The following RGS3 variants were observed in gnomAD, a reference collection of about 807,000 sequenced individuals.
The protein encoded by RGS3 is regulator of G protein signaling 3, also known as regulator of G-protein signalling 3.
RGS3 carries 80 observed loss-of-function variants against 132.6 expected under a neutral mutation model. The observed-to-expected ratio is 0.60, with a 90% CI of 0.50 to 0.73. The LOEUF (loss-of-function observed/expected upper bound fraction) is 0.73, where lower values mean the gene tolerates loss of function less well. RGS3 is among the 30% of genes least tolerant of loss of function. The pLI is 0.00. For synonymous variants in RGS3, 598 were observed against 620.6 expected (o/e 0.96, Z 0.54); for missense variants, 1,382 against 1,530.8 (o/e 0.90, Z 1.62).
At chr9:113,457,567 C>T (rs554478298), upstream of RGS3, among the ~76,000 whole-genome samples, 1 of 152,314 alleles carries the variant, frequency 6.6e-6, no homozygotes, top group East Asian at 1.9e-4. Context: ...AAGTCTCAGT[C>T]CTGCTAGACC....
chr9:113,508,715 C>T (rs978399067), intron 14 of RGS3, 135 bp downstream of exon 12: 1 of 804,200 alleles, frequency 1.2e-6, no homozygotes, highest in Non-Finnish European at 2.1e-6. Context: ...TCGACACAGA[C>T]TCTCTTTCCA....
chr9:113,593,899 C>A (rs1433245641), intron 21 of RGS3: 4 of 1,584,070 alleles, frequency 2.5e-6, no homozygotes, highest in Admixed American at 3.4e-5. Flanking sequence ...CCCCACCCCC[C>A]ACCACTGTCT....
At chr9:113,594,878 C>A in intron 22 of RGS3, 41 bp from the exon 21 acceptor site, 1 of 1,592,238 alleles carries the variant, frequency 6.3e-7, no homozygotes, top group Non-Finnish European at 8.6e-7. Context: ...GGTTCCCAAG[C>A]CTCTCAGTGC....
exon 11 of RGS3, chr9:113,505,512 C>T: frequency 1.2e-6 from 2 of 1,614,054 alleles, no homozygotes; most frequent in Non-Finnish European, 1.7e-6. Context: ...CGAGTCCAGG[C>T]CGTGGATTCC....
rs573035620 is a variant in RGS3, at chr9:113,554,538, C to A, written c.2037+17620C>A. On this transcript the variant is annotated intron_variant, in intron 19 of 24. Transcript: ENST00000350696. Reference sequence around the variant, plus strand: ...GCCAGGCTGGTCTTGAACTTCTGACCTCAAGTGATCCACTCACCTCAGCCT... The same window carrying A: ...GCCAGGCTGGTCTTGAACTTCTGACATCAAGTGATCCACTCACCTCAGCCT... 4.6e-5 allele frequency among the ~76,000 whole-genome samples: 7 copies of A among 152,312 alleles called. No individual in the cohort carries two copies. The East Asian group carries it at 1.3e-3, about 29-fold the overall frequency.
intron 3 of RGS3, among the ~76,000 whole-genome samples, chr9:113,467,751 G>A (rs1288793983): frequency 6.6e-6 from 1 of 151,992 alleles, no homozygotes; most frequent in South Asian, 2.1e-4. Flanking sequence ...TGTTGCCCAG[G>A]CTGGAGTTCA....
At chr9:113,511,998 T>C (rs1203030346) in intron 14 of RGS3, among the ~76,000 whole-genome samples, 1 of 152,176 alleles carries the variant, frequency 6.6e-6, no homozygotes, top group Non-Finnish European at 1.5e-5. Context: ...ATCCCCTGAC[T>C]ACTCACACTG....
rs1031866237 is a variant in RGS3 at position 113,546,878 on chromosome 9, C to T, written c.2037+9960C>T. Among the ~76,000 whole-genome samples the T allele has an allele frequency of 3.9e-5, 6 of 152,262 alleles. No individual in the cohort carries two copies. The East Asian group carries it at 5.8e-4, about 15-fold the overall frequency. Reference sequence around the variant, plus strand: ...GCGAGTGATTCTGAAAATCTTGCCTCGAGTCCTCATTTTGCTGGTATTCAC... The same window carrying T: ...GCGAGTGATTCTGAAAATCTTGCCTTGAGTCCTCATTTTGCTGGTATTCAC... On this transcript the variant is annotated intron_variant, in intron 19 of 24. Transcript: ENST00000350696.
chr9:113,583,789 G>C, exon 20 of RGS3: 1 of 1,614,078 alleles, frequency 6.2e-7, no homozygotes, highest in Non-Finnish European at 8.5e-7. Flanking sequence ...GCCTCACCAG[G>C]ACCCTCTACT....
Position 113,497,998 on chromosome 9 carries a change from T to C in RGS3, c.842-27T>C, listed in dbSNP as rs767010113. 3 of 1,613,552 alleles carry C rather than the reference T, an allele frequency of 1.9e-6. No homozygotes were observed. The South Asian group carries it at 3.3e-5, about 18-fold the overall frequency. On this transcript the variant is annotated intron_variant, in intron 9 of 24. Transcript: ENST00000350696. Reference sequence around the variant, plus strand: ...GGAGACTTCTCTGCCACCAGAAGTTTTCTGATTCTGCTCTGTCACCTTCCA... The same window carrying C: ...GGAGACTTCTCTGCCACCAGAAGTTCTCTGATTCTGCTCTGTCACCTTCCA...
chr9:113,529,233 A>G (rs773902276), exon 18 of RGS3: 53 of 1,613,414 alleles, frequency 3.3e-5, no homozygotes, highest in Middle Eastern at 1.6e-4. Context: ...TCTTCAGAAG[A>G]CCTGAAATTC....
chr9:113,554,574 T>C (rs1833487623), intron 19 of RGS3, among the ~76,000 whole-genome samples: 1 of 152,248 alleles, frequency 6.6e-6, no homozygotes, highest in Non-Finnish European at 1.5e-5. Context: ...CCCAAAGTGC[T>C]GGGATTACAG....
chr9:113,563,959 G>A (rs577454893), intron 19 of RGS3, among the ~76,000 whole-genome samples: 1 of 152,096 alleles, frequency 6.6e-6, no homozygotes, highest in Admixed American at 6.5e-5. Context: ...GGAAAATAGA[G>A]GCTCCTTCTG....
chr9:113,491,692 T>C (rs1830527905), intron 7 of RGS3, among the ~76,000 whole-genome samples: 1 of 151,466 alleles, frequency 6.6e-6, no homozygotes, highest in Non-Finnish European at 1.5e-5. Flanking sequence ...GTAGCTGGGA[T>C]TACAGGCGCA....
chr9:113,493,059 C>T (rs1830571902), intron 7 of RGS3, among the ~76,000 whole-genome samples: 1 of 152,186 alleles, frequency 6.6e-6, no homozygotes, highest in Non-Finnish European at 1.5e-5. Flanking sequence ...GTAGTATGGG[C>T]ACCTGGATAG....
intron 19 of RGS3, chr9:113,541,434 C>G: frequency 6.2e-7 from 1 of 1,613,000 alleles, no homozygotes; most frequent in Non-Finnish European, 8.5e-7. Context: ...CTGAGCAAAC[C>G]CAAGGGCGGG....
chr9:113,499,795 C>T (rs1041475631), intron 10 of RGS3, among the ~76,000 whole-genome samples: 4 of 152,176 alleles, frequency 2.6e-5, no homozygotes, highest in African/African-American at 7.2e-5. Context: ...TGAGTGTCAA[C>T]TTTAGTTTTA....
intron 1 of RGS3, among the ~76,000 whole-genome samples, chr9:113,449,967 A>G (rs1829202535): frequency 6.7e-6 from 1 of 149,048 alleles, no homozygotes; most frequent in African/African-American, 2.5e-5. Context: ...CTGGTCTTGA[A>G]CTCCTGACCT....
intron 3 of RGS3, 121 bp downstream of exon 1, chr9:113,464,002 C>A: frequency 1.0e-6 from 1 of 986,248 alleles, no homozygotes; most frequent in Non-Finnish European, 1.5e-6. Context: ...CTAGGGGCAC[C>A]TTCTCTGGCC....
Sources: allele counts gnomAD v4.1 joint callset (sites outside exome capture counted in the v4.1 genomes callset), GRCh38; gene constraint gnomAD v4.1.1; transcripts MANE v1.5; gene names NCBI Gene and HGNC (gene_info 2026-07-23, HGNC 2026-07-21).